Variants in KLHL4 observed in about 807,000 individuals in gnomAD.
KLHL4 encodes the protein kelch like family member 4, also known as kelch-like protein 4.
In KLHL4, 17 loss-of-function variants were observed where a neutral mutation model predicts 45.8. That is an observed-to-expected ratio of 0.37 (90% CI 0.25 to 0.56). KLHL4 has a LOEUF of 0.56. KLHL4 is among the 20% of genes least tolerant of loss of function. The probability of loss-of-function intolerance (pLI) is 0.79; values close to 1 mark genes in which losing one functional copy is unlikely to be tolerated. For synonymous variants in KLHL4, 224 were observed against 189.9 expected (o/e 1.18, Z -1.47); for missense variants, 544 against 544.9 (o/e 1.00, Z 0.02).
chrX:87,621,343 CAAAG>C (rs1351136919), intron 4 of KLHL4, among the ~76,000 whole-genome samples: 1 of 109,210 alleles, frequency 9.2e-6, no homozygotes, highest in Non-Finnish European at 1.9e-5. Flanking sequence ...ATTCTGTTGT[CAAAG>C]AAAGAACATG....
chrX:87,606,575 A>G (rs763989234), intron 1 of KLHL4, among the ~76,000 whole-genome samples: 2 of 111,600 alleles, frequency 1.8e-5, no homozygotes, highest in Non-Finnish European at 3.8e-5. Context: ...TGTATTATAA[A>G]CAAGTATAGG....
chrX:87,655,540 AT>A lies in KLHL4; in HGVS notation c.1926-9217del, dbSNP rs930187694. ...CTTTTGTTTTCCATTTAAATTGAAT[AT>A]TTTTTTCCACCCCATTAACTTAAGT... is the stretch of plus-strand genomic sequence containing the variant. On this transcript the variant is annotated intron_variant, in intron 9 of 10. Coordinates refer to ENST00000373119, the MANE Select transcript of KLHL4 (RefSeq NM_019117.5). Among the ~76,000 whole-genome samples, 22 of 111,062 alleles carry A rather than the reference AT, an allele frequency of 2.0e-4. No homozygotes were observed. The East Asian group carries it at 5.7e-3, about 29-fold the overall frequency.
rs375858253 is a variant in KLHL4, at chrX:87,535,577, A to G, written c.422+17262A>G. On this transcript the variant is annotated intron_variant, in intron 1 of 10. Transcript: ENST00000373119. The stretch of plus-strand genomic sequence containing the variant: ...AACTATTATACTCTGTAAATTATCT[A>G]TTAGCACCTGGGGGCTTCTCTATAC... Among the ~76,000 whole-genome samples, 16 of 111,504 alleles carry G rather than the reference A, an allele frequency of 1.4e-4. 1 individual carries two copies. The East Asian group carries it at 3.7e-3, about 26-fold the overall frequency.
chrX:87,600,405 C>A (rs943839628), intron 1 of KLHL4, among the ~76,000 whole-genome samples: 3 of 108,716 alleles, frequency 2.8e-5, no homozygotes, highest in Non-Finnish European at 5.7e-5. Flanking sequence ...ATGGCGTGAA[C>A]CCGGGAGGCG....
intron 9 of KLHL4, among the ~76,000 whole-genome samples, chrX:87,646,676 A>G (rs1206177341): frequency 8.9e-6 from 1 of 111,906 alleles, no homozygotes; most frequent in Non-Finnish European, 1.9e-5. Context: ...TGGTGCTGGG[A>G]TAATTGGCAA....
intron 1 of KLHL4, among the ~76,000 whole-genome samples, chrX:87,559,038 A>G (rs1357391700): frequency 8.9e-6 from 1 of 111,943 alleles, no homozygotes; most frequent in Non-Finnish European, 1.9e-5. Context: ...CAAAGAGTAT[A>G]TATTTCAGGA....
intron 4 of KLHL4, among the ~76,000 whole-genome samples, chrX:87,619,569 C>CA (rs1922679387): frequency 8.9e-6 from 1 of 111,893 alleles, no homozygotes; most frequent in East Asian, 2.8e-4. Context: ...TATTCTACCA[C>CA]AAAAAATAAA....
intron 1 of KLHL4, among the ~76,000 whole-genome samples, chrX:87,590,853 C>T (rs925094211): frequency 1.8e-5 from 2 of 111,759 alleles, no homozygotes; most frequent in Non-Finnish European, 3.8e-5. Context: ...GAATAACATT[C>T]CATTGTGTAT....
At chrX:87,588,284 T>G (rs1418559770) in intron 1 of KLHL4, among the ~76,000 whole-genome samples, 1 of 111,362 alleles carries the variant, frequency 9.0e-6, no homozygotes, top group Non-Finnish European at 1.9e-5. Context: ...TTCACAGAAA[T>G]AGAAAAACAA....
chrX:87,580,452 A>C (rs145612005), intron 1 of KLHL4, among the ~76,000 whole-genome samples: 2,572 of 111,085 alleles, frequency 0.023, 32 homozygotes, highest in Non-Finnish European at 0.035. Flanking sequence ...GCAAGATCCA[A>C]CTTTATGCTG....
intron 1 of KLHL4, among the ~76,000 whole-genome samples, chrX:87,564,957 C>CA (rs1304156935): frequency 9.0e-6 from 1 of 111,353 alleles, no homozygotes; most frequent in African/African-American, 3.3e-5. Context: ...TATGTAAATA[C>CA]AAAAAATTTC....
At chrX:87,628,406 AAAAG>A (rs1050914331) in intron 6 of KLHL4, among the ~76,000 whole-genome samples, 8 of 112,010 alleles carry the variant, frequency 7.1e-5, no homozygotes, top group Admixed American at 5.7e-4. Flanking sequence ...AAAAAAGAGA[AAAAG>A]AAAGAAAAAA....
intron 1 of KLHL4, among the ~76,000 whole-genome samples, chrX:87,589,508 C>A (rs1180963603): frequency 1.8e-5 from 2 of 111,635 alleles, no homozygotes; most frequent in Non-Finnish European, 3.8e-5. Context: ...CATTTGCAAC[C>A]ACATGGATGG....
At chrX:87,653,364 C>T (rs748875266) in intron 9 of KLHL4, among the ~76,000 whole-genome samples, 2 of 111,528 alleles carry the variant, frequency 1.8e-5, no homozygotes, top group Admixed American at 1.9e-4. Flanking sequence ...ATGAGACCAA[C>T]AAACATGAAA....
chrX:87,563,780 A>AG (rs1177622856), intron 1 of KLHL4, among the ~76,000 whole-genome samples: 1 of 111,012 alleles, frequency 9.0e-6, no homozygotes, highest in African/African-American at 3.3e-5. Flanking sequence ...TAGAACACCA[A>AG]GCAGATCTAA....
intron 1 of KLHL4, among the ~76,000 whole-genome samples, chrX:87,542,203 A>G (rs925226445): frequency 8.9e-6 from 1 of 112,426 alleles, no homozygotes; most frequent in African/African-American, 3.2e-5. Flanking sequence ...AGGGAAGCAG[A>G]GCATAAAAGT....
intron 9 of KLHL4, among the ~76,000 whole-genome samples, chrX:87,646,632 C>T (rs1480295236): frequency 9.0e-6 from 1 of 111,317 alleles, no homozygotes. Context: ...CAAAGAAAAA[C>T]ATAAAGTGGG....
chrX:87,617,889 T>G (rs376362837), intron 3 of KLHL4, 43 bp from the exon 4 acceptor site: 7 of 1,088,480 alleles, frequency 6.4e-6, no homozygotes, highest in Non-Finnish European at 8.7e-6. Flanking sequence ...AGTTTTTACT[T>G]TATGGAACTT....
At chrX:87,545,422 G>T (rs1357716219) in intron 1 of KLHL4, among the ~76,000 whole-genome samples, 2 of 111,240 alleles carry the variant, frequency 1.8e-5, no homozygotes, top group East Asian at 2.9e-4. Context: ...TTTATAAGGG[G>T]CTGTCCCCCC....
Sources: gnomAD v4.1 joint callset for allele counts (sites outside exome capture counted in the v4.1 genomes callset) on GRCh38, gnomAD v4.1.1 for gene constraint, MANE v1.5 for transcripts, NCBI Gene and HGNC (gene_info 2026-07-23, HGNC 2026-07-21) for gene names.